The following LIMK1 variants were observed in gnomAD, a reference collection of about 807,000 sequenced individuals.
LIMK1 encodes the protein LIM motif-containing protein kinase.
In LIMK1, 21 loss-of-function variants were observed where a neutral mutation model predicts 77.6. The observed-to-expected ratio is 0.27, with a 90% CI of 0.19 to 0.39. LIMK1 has a LOEUF of 0.39. Among genes scored for constraint, LIMK1 ranks in the 10% least tolerant of loss-of-function variants. The probability of loss-of-function intolerance (pLI) is 1.00; values close to 1 mark genes in which losing one functional copy is unlikely to be tolerated. For synonymous variants in LIMK1, 358 were observed against 370.0 expected, an observed-to-expected ratio of 0.97 and a Z score of 0.37; for missense variants, 696 against 901.6, an observed-to-expected ratio of 0.77 and a Z score of 2.92.
At chr7:74,084,763 G>A (rs1304108348) in intron 1 of LIMK1, among the ~76,000 whole-genome samples, 1 of 151,924 alleles carries the variant, frequency 6.6e-6, no homozygotes, top group African/African-American at 2.4e-5. Flanking sequence ...TAGGGTTCAA[G>A]GACTCCCCCA....
chr7:74,087,932 G>A (rs1431175785), intron 2 of LIMK1, among the ~76,000 whole-genome samples: 1 of 150,422 alleles, frequency 6.6e-6, no homozygotes, highest in Admixed American at 6.6e-5. Flanking sequence ...TTTTTACACA[G>A]GGTCTTGCTG....
intron 5 of LIMK1, among the ~76,000 whole-genome samples, chr7:74,105,122 T>C (rs553588739): frequency 6.6e-6 from 1 of 152,238 alleles, no homozygotes; most frequent in African/African-American, 2.4e-5. Context: ...CTCGGCTAAT[T>C]TTTGTATTTT....
chr7:74,098,167 G>A (rs957783062), intron 4 of LIMK1, among the ~76,000 whole-genome samples: 4 of 152,194 alleles, frequency 2.6e-5, no homozygotes, highest in East Asian at 1.9e-4. Flanking sequence ...GGTCAGGCTG[G>A]ATGAAAGCTG....
chr7:74,108,166 C>T (rs955021912), intron 9 of LIMK1, among the ~76,000 whole-genome samples: 6 of 151,298 alleles, frequency 4.0e-5, no homozygotes, highest in African/African-American at 1.5e-4. Flanking sequence ...AGCAAGACCC[C>T]GTCTCTACAA....
At position 74,106,174 on chromosome 7, in the gene LIMK1, G is replaced by A; in HGVS notation, c.812G>A (p.Ser271Asn). 6.2e-7 allele frequency: 1 copy of A among 1,613,996 alleles called. No homozygotes were observed. The highest frequency in any genetic ancestry group is 8.5e-7 in the Non-Finnish European group (1 of 1,180,040). Residue 271 changes from serine (S) to asparagine (N), a missense_variant, in exon 7 of 16, where the codon AGC becomes AAC. Ser to Asn is a conservative substitution (Grantham distance 46). Transcript: ENST00000336180. ...TLGHGLGPETSPLSSPAYTPS... is the reference protein window; with the variant it reads ...TLGHGLGPETNPLSSPAYTPS... Reference sequence around the variant, plus strand: ...GGCCACGGGCTGGGGCCTGAGACCAGCCCCCTGAGCTCTCCGGCTTATACT... The same window carrying A: ...GGCCACGGGCTGGGGCCTGAGACCAACCCCCTGAGCTCTCCGGCTTATACT...
At chr7:74,086,146 C>T (rs945248795) in intron 2 of LIMK1, among the ~76,000 whole-genome samples, 5 of 151,058 alleles carry the variant, frequency 3.3e-5, no homozygotes, top group Admixed American at 6.6e-5. Flanking sequence ...CCTGGGCTCA[C>T]GCAGTTCTCC....
intron 12 of LIMK1, among the ~76,000 whole-genome samples, chr7:74,113,799 C>T (rs782207769): frequency 7.2e-5 from 11 of 151,828 alleles, no homozygotes; most frequent in South Asian, 2.1e-4. Context: ...CTCTTAATAC[C>T]GTTAGAGTCA....
rs1445733666 is a variant in LIMK1, at chr7:74,121,553, C to A, written c.*252C>A. 4.2e-6 allele frequency: 2 copies of A among 481,900 alleles called. No homozygotes were observed. The highest frequency in any genetic ancestry group is 6.6e-5 in the East Asian group (2 of 30,240). The allele number at this position is 481,900 out of a possible 1,614,324, so 29.9% of individuals were successfully genotyped here. A position where few individuals can be genotyped will look rare whatever the true frequency, so the allele number is the denominator to read the frequency against. On this transcript the variant is annotated 3_prime_UTR_variant, in exon 16 of 16. Transcript: ENST00000336180. ...TAACCTCTGTCTTGGCAGGGCTGTC[C>A]CCTCTTGCTTCTCCTTGCATGAGCT... is the stretch of plus-strand genomic sequence containing the variant.
At chr7:74,111,586 C>T (rs1799699743) in intron 10 of LIMK1, 62 bp from the exon 11 acceptor site, 3 of 1,393,102 alleles carry the variant, frequency 2.2e-6, no homozygotes, top group Admixed American at 3.8e-5. Flanking sequence ...CTGTCTCATG[C>T]AACCATCCCT....
At position 74,105,860 on chromosome 7, in the gene LIMK1, C is replaced by G. The variant is rs782060217; in HGVS notation, c.609-15C>G. 2 of 1,606,520 alleles carry G rather than the reference C, an allele frequency of 1.2e-6. No individual in the cohort carries two copies. The highest frequency in any genetic ancestry group is 4.5e-5 in the East Asian group (2 of 44,806). On this transcript the variant is annotated splice_polypyrimidine_tract_variant and intron_variant, in intron 5 of 15. Transcript: ENST00000336180. ...GGACAGGTGGGCACTGGCCTGACCCCTGCCTTACCCACAGAGTGGATCCGG... is the reference window on the plus strand; with the variant it reads ...GGACAGGTGGGCACTGGCCTGACCCGTGCCTTACCCACAGAGTGGATCCGG...
intron 5 of LIMK1, among the ~76,000 whole-genome samples, chr7:74,103,537 C>T (rs1554696909): frequency 6.6e-6 from 1 of 152,162 alleles, no homozygotes; most frequent in Admixed American, 6.6e-5. Flanking sequence ...AGGATGTTCA[C>T]TTTGATTACT....
chr7:74,109,112 C>T (rs1554698192), intron 10 of LIMK1, 76 bp downstream of exon 10: 1 of 1,184,808 alleles, frequency 8.4e-7, no homozygotes. Flanking sequence ...GCCTCAGTCT[C>T]ATCTCTTCAA....
chr7:74,107,112 C>G lies in LIMK1; in HGVS notation c.984C>G (p.Cys328Trp). The G allele has an allele frequency of 6.2e-7, 1 of 1,612,586 alleles. No individual in the cohort carries two copies. Among genetic ancestry groups the G allele is most frequent in the Non-Finnish European group, 8.5e-7 (1 of 1,179,786 alleles). ...LGRSESLRVV[C>W]RPHRIFRPSD... ...GCTCTGAGTCCCTCCGCGTAGTCTG[C>G]CGGCCACACCGCATCTTCCGGCCGT... Residue 328 changes from cysteine (C) to tryptophan (W), a missense_variant, in exon 8 of 16, where the codon TGC (cysteine) becomes TGG (tryptophan). This residue lies in a region of LIMK1 where 438 missense variants were observed against 602.3 expected (regional missense o/e 0.73). Coordinates refer to ENST00000336180, the MANE Select transcript of LIMK1 (RefSeq NM_002314.4).
rs782748955 is a variant in LIMK1 at position 74,107,074 on chromosome 7, A to G, written c.946A>G (p.Lys316Glu). ...GSLGSPASQRKDLGRSESLRV... is the reference protein window; with the variant it reads ...GSLGSPASQREDLGRSESLRV... ...ACTGGGCTCCCCGGCCTCCCAGCGC[A>G]AGGACCTGGGTCGCTCTGAGTCCCT... is the stretch of plus-strand genomic sequence containing the variant. Residue 316 changes from lysine (K) to glutamate (E), a missense_variant, in exon 8 of 16, where the codon AAG becomes GAG. By Grantham distance (56) the Lys-to-Glu change is moderately conservative. Coordinates refer to ENST00000336180, the MANE Select transcript of LIMK1 (RefSeq NM_002314.4). The G allele has an allele frequency of 1.2e-6, 2 of 1,609,016 alleles. No individual in the cohort carries two copies. The highest frequency in any genetic ancestry group is 2.2e-5 in the East Asian group (1 of 44,782).
In LIMK1 at chr7:74,095,792, G is replaced by A. The variant is rs1373909359; in HGVS notation, c.153-830G>A. Among the ~76,000 whole-genome samples, 6 of 152,046 alleles carry A rather than the reference G, an allele frequency of 3.9e-5. No individual in the cohort carries two copies. In the East Asian group the frequency reaches 5.8e-4, roughly 15 times the overall value. ...CGGGATGCTTGGCTGGGAAAAAGCC[G>A]GGAATGTAGGTCTAACCCTGGCCTG... On this transcript the variant is annotated intron_variant, in intron 2 of 15. Coordinates refer to ENST00000336180, the MANE Select transcript of LIMK1 (RefSeq NM_002314.4).
At chr7:74,117,292 C>A (rs1458692094) in intron 13 of LIMK1, among the ~76,000 whole-genome samples, 1 of 151,984 alleles carries the variant, frequency 6.6e-6, no homozygotes, top group Non-Finnish European at 1.5e-5. Flanking sequence ...TGCTGGGATT[C>A]CAGGCATGAG....
chr7:74,116,299 A>G (rs1227232538), intron 13 of LIMK1, among the ~76,000 whole-genome samples: 1 of 151,724 alleles, frequency 6.6e-6, no homozygotes, highest in Non-Finnish European at 1.5e-5. Context: ...CTGTAATCCC[A>G]GCTACTAGGG....
chr7:74,121,278 G>T lies in LIMK1; in HGVS notation c.1921G>T (p.Ala641Ser). Residue 641 changes from alanine to serine, a missense_variant, in exon 16 of 16, where the codon GCC (alanine) becomes TCC (serine). Transcript: ENST00000336180. ...CCGGCGCGGCGAGAGCGGACTGCCT[G>T]CCCACCCTGAGGTCCCCGACTGAGC... is the stretch of plus-strand genomic sequence containing the variant. Reference protein sequence around the residue: ...TYRRGESGLPAHPEVPD With the variant: ...TYRRGESGLPSHPEVPD 6.2e-7 allele frequency: 1 copy of T among 1,606,910 alleles called. No homozygotes were observed.
At chr7:74,095,342 G>GC (rs1298429833) in intron 2 of LIMK1, among the ~76,000 whole-genome samples, 1 of 152,088 alleles carries the variant, frequency 6.6e-6, no homozygotes, top group African/African-American at 2.4e-5. Context: ...ACCCAGACAT[G>GC]CCCCCCCACA....
Sources: allele counts gnomAD v4.1 joint callset (sites outside exome capture counted in the v4.1 genomes callset), GRCh38; gene constraint gnomAD v4.1.1; regional missense constraint gnomAD v4.1.1; transcripts MANE v1.5; gene names NCBI Gene and HGNC (gene_info 2026-07-23, HGNC 2026-07-21).